The following RASGRF2 variants were observed in gnomAD, a reference collection of about 807,000 sequenced individuals.
RASGRF2 encodes the protein ras-specific guanine nucleotide-releasing factor 2.
RASGRF2 carries 76 observed loss-of-function variants against 151.0 expected under a neutral mutation model. That is an observed-to-expected ratio of 0.50 (90% CI 0.42 to 0.61). RASGRF2 has a LOEUF of 0.61. Ranked by LOEUF, RASGRF2 falls within the 20% of genes least tolerant of loss-of-function variation. The pLI, the probability that RASGRF2 is intolerant of heterozygous loss-of-function variation, is 0.00. For missense variants in RASGRF2, 1,148 were observed against 1,564.6 expected, an observed-to-expected ratio of 0.73 and a Z score of 4.49; for synonymous variants, 504 against 566.5, an observed-to-expected ratio of 0.89 and a Z score of 1.57.
At position 80,960,540 on chromosome 5, in the gene RASGRF2, G is replaced by C. The variant is rs1341427240; in HGVS notation, c.-199G>C. The C allele has an allele frequency of 2.9e-6, 1 of 348,256 alleles. No individual in the cohort carries two copies. The highest frequency in any genetic ancestry group is 4.9e-6 in the Non-Finnish European group (1 of 205,218). 21.6% of individuals were successfully genotyped at this position (348,256 alleles called of 1,614,324 possible). ...GTGGTTAGGGCGGAGAGCGTGCCTC[G>C]GCCCCAGCCCGCGCCCCTGCCACCG... On this transcript the variant is annotated 5_prime_UTR_variant, in exon 1 of 27. Transcript: ENST00000265080. The surrounding 1 kb of genome is among the most constrained non-coding windows in gnomAD (Gnocchi z 5.5).
chr5:81,195,097 T>A (rs1278392678), intron 18 of RASGRF2, among the ~76,000 whole-genome samples: 1 of 152,220 alleles, frequency 6.6e-6, no homozygotes, highest in African/African-American at 2.4e-5. Context: ...TTGGGTGCCA[T>A]GGATTCGCTC....
At chr5:81,216,054 A>G (rs994051263) in intron 24 of RASGRF2, 99 bp downstream of exon 24, 2 of 1,181,952 alleles carry the variant, frequency 1.7e-6, no homozygotes, top group African/African-American at 1.6e-5. Flanking sequence ...CTTTGCTTTG[A>G]AAAGAAAAAT....
chr5:81,001,226 C>T (rs943800466), intron 1 of RASGRF2, among the ~76,000 whole-genome samples: 15 of 152,118 alleles, frequency 9.9e-5, no homozygotes, highest in African/African-American at 3.6e-4. Flanking sequence ...ATTAGATTTA[C>T]GAATGAAGCT....
At chr5:80,998,945 C>A (rs1748987250) in intron 1 of RASGRF2, among the ~76,000 whole-genome samples, 2 of 152,294 alleles carry the variant, frequency 1.3e-5, no homozygotes, top group East Asian at 3.9e-4. Flanking sequence ...GACTCTTGGC[C>A]TTTTCCACTT....
At chr5:81,204,751 A>G (rs780021748) in intron 19 of RASGRF2, among the ~76,000 whole-genome samples, 2 of 152,252 alleles carry the variant, frequency 1.3e-5, no homozygotes, top group Admixed American at 6.5e-5. Context: ...GGCTCAGGTC[A>G]TAGAAAAGTC....
chr5:81,184,421 C>T (rs1056323504), intron 18 of RASGRF2, among the ~76,000 whole-genome samples: 1 of 152,190 alleles, frequency 6.6e-6, no homozygotes, highest in Non-Finnish European at 1.5e-5. Flanking sequence ...AAGACTCTGT[C>T]GAAGGCCTTT....
chr5:81,030,239 C>G (rs952847334), intron 1 of RASGRF2, among the ~76,000 whole-genome samples: 1 of 152,164 alleles, frequency 6.6e-6, no homozygotes, highest in Non-Finnish European at 1.5e-5. Context: ...GGGTATTATC[C>G]AGGAGAACTT....
intron 2 of RASGRF2, among the ~76,000 whole-genome samples, chr5:81,063,339 C>T (rs376799580): frequency 4.6e-5 from 7 of 151,966 alleles, no homozygotes; most frequent in Admixed American, 1.3e-4. Flanking sequence ...CTCTGCCTCC[C>T]GGGTTCAAAT....
chr5:81,024,655 G>A (rs1749953500), intron 1 of RASGRF2, among the ~76,000 whole-genome samples: 1 of 152,126 alleles, frequency 6.6e-6, no homozygotes, highest in African/African-American at 2.4e-5. Flanking sequence ...AGGGGGAGGT[G>A]GGACAACTGG....
chr5:81,087,092 G>T, intron 9 of RASGRF2, 139 bp downstream of exon 9: 1 of 791,506 alleles, frequency 1.3e-6, no homozygotes, highest in Non-Finnish European at 2.2e-6. Flanking sequence ...CGCCGAGGCG[G>T]TGGTTGAGGC....
At chr5:81,061,922 A>T (rs539556998) in intron 2 of RASGRF2, among the ~76,000 whole-genome samples, 1 of 150,752 alleles carries the variant, frequency 6.6e-6, no homozygotes, top group South Asian at 2.1e-4. Context: ...CTCCTGAGCT[A>T]AAGTGATCTG....
In RASGRF2 at chr5:81,229,268, A is replaced by C. The variant is rs1756062566; in HGVS notation, c.*3498A>C. 1 of 152,224 alleles carries C rather than the reference A, an allele frequency of 6.6e-6. No individual in the cohort carries two copies. Among genetic ancestry groups the C allele is most frequent in the African/African-American group, 2.4e-5 (1 of 41,454 alleles). 9.4% of individuals were successfully genotyped at this position (152,224 alleles called of 1,614,324 possible). The stretch of plus-strand genomic sequence containing the variant: ...TGTATTATTTTTACAACTATCGAAA[A>C]GGCATAAAAGAGAACATACTATTTA... On this transcript the variant is annotated 3_prime_UTR_variant, in exon 27 of 27. Transcript: ENST00000265080.
chr5:80,979,246 T>G (rs1445477957), intron 1 of RASGRF2, among the ~76,000 whole-genome samples: 1 of 152,184 alleles, frequency 6.6e-6, no homozygotes, highest in Non-Finnish European at 1.5e-5. Flanking sequence ...TTGAAAAAAT[T>G]CAACATAAGA....
At chr5:81,100,551 C>T (rs150934472) in intron 12 of RASGRF2, among the ~76,000 whole-genome samples, 1,962 of 152,274 alleles carry the variant, frequency 0.013, 21 homozygotes, top group South Asian at 0.026. Flanking sequence ...CCTTTTTCAT[C>T]TATTTATAGG....
intron 17 of RASGRF2, among the ~76,000 whole-genome samples, chr5:81,148,196 C>T (rs907596992): frequency 6.6e-6 from 1 of 152,200 alleles, no homozygotes; most frequent in African/African-American, 2.4e-5. Context: ...CAGAGACTTA[C>T]TTACTCAAGG....
intron 2 of RASGRF2, among the ~76,000 whole-genome samples, chr5:81,051,093 C>T (rs1204199266): frequency 6.6e-6 from 1 of 152,038 alleles, no homozygotes; most frequent in East Asian, 1.9e-4. Flanking sequence ...CATCTCATGT[C>T]CTTTTCCCAT....
At chr5:81,073,157 A>G (rs762980487) in intron 4 of RASGRF2, 42 bp from the exon 5 acceptor site, 7 of 1,578,942 alleles carry the variant, frequency 4.4e-6, no homozygotes, top group Non-Finnish European at 6.0e-6. Flanking sequence ...ATAAATCACC[A>G]TTGTAACTAG....
intron 1 of RASGRF2, among the ~76,000 whole-genome samples, chr5:81,023,443 A>G (rs1749900276): frequency 6.6e-6 from 1 of 152,144 alleles, no homozygotes; most frequent in Non-Finnish European, 1.5e-5. Flanking sequence ...GGACCTGTGA[A>G]GCCCCAGATC....
At chr5:81,032,308 C>T (rs982203412) in intron 1 of RASGRF2, among the ~76,000 whole-genome samples, 10 of 152,212 alleles carry the variant, frequency 6.6e-5, no homozygotes, top group Non-Finnish European at 1.3e-4. Context: ...AGGCTAGCAT[C>T]ATCTTGATAC....
Sources: gnomAD v4.1 joint callset for allele counts (sites outside exome capture counted in the v4.1 genomes callset) on GRCh38, gnomAD v4.1.1 for gene constraint, Gnocchi (gnomAD v3.1) non-coding constraint, MANE v1.5 for transcripts, NCBI Gene and HGNC (gene_info 2026-07-23, HGNC 2026-07-21) for gene names.